Variants in CAMK1D observed in about 807,000 individuals in gnomAD.
CAMK1D encodes the protein calcium/calmodulin-dependent protein kinase type 1D.
A neutral mutation model predicts 47.7 loss-of-function variants in CAMK1D; 9 were observed. The ratio of observed to expected loss-of-function variants is 0.19; its 90% CI spans 0.11 to 0.33. The LOEUF (loss-of-function observed/expected upper bound fraction) is 0.33, where lower values mean the gene tolerates loss of function less well. Ranked by LOEUF, CAMK1D falls within the 10% of genes least tolerant of loss-of-function variation. The probability of loss-of-function intolerance (pLI) is 1.00; values close to 1 mark genes in which losing one functional copy is unlikely to be tolerated. For synonymous variants in CAMK1D, 184 were observed against 184.9 expected (o/e 0.99, Z 0.04); for missense variants, 291 against 488.7 (o/e 0.60, Z 3.81).
At chr10:12,719,379 G>C (rs1834281491) in intron 3 of CAMK1D, among the ~76,000 whole-genome samples, 1 of 151,692 alleles carries the variant, frequency 6.6e-6, no homozygotes, top group South Asian at 2.1e-4. Context: ...CTGCACTCCA[G>C]CCTGGGCAAC....
intron 3 of CAMK1D, among the ~76,000 whole-genome samples, chr10:12,730,548 A>G (rs1189024665): frequency 6.6e-6 from 1 of 152,168 alleles, no homozygotes; most frequent in Non-Finnish European, 1.5e-5. Context: ...TTGAACCTTC[A>G]TCCACGAGCC....
At chr10:12,367,216 AAAT>A (rs1370535473) in intron 1 of CAMK1D, among the ~76,000 whole-genome samples, 2 of 132,662 alleles carry the variant, frequency 1.5e-5, no homozygotes, top group Admixed American at 1.6e-4. Flanking sequence ...TCATGACATA[AAAT>A]AAACACTGTT....
intron 1 of CAMK1D, among the ~76,000 whole-genome samples, chr10:12,450,683 T>C (rs1319451158): frequency 6.6e-6 from 1 of 152,230 alleles, no homozygotes; most frequent in East Asian, 1.9e-4. Flanking sequence ...TTGTATTTTC[T>C]AGTCTCCATA....
intron 8 of CAMK1D, among the ~76,000 whole-genome samples, chr10:12,821,803 C>T (rs181698934): frequency 3.3e-5 from 5 of 152,166 alleles, no homozygotes; most frequent in African/African-American, 1.2e-4. Flanking sequence ...GGTGAAACCC[C>T]ATCTCTATTA....
intron 3 of CAMK1D, among the ~76,000 whole-genome samples, chr10:12,741,456 C>T (rs559861484): frequency 6.6e-6 from 1 of 152,340 alleles, no homozygotes; most frequent in East Asian, 1.9e-4. Context: ...GGGCCGCCCT[C>T]TTGGCTTGCC....
chr10:12,822,711 G>C (rs937914013), intron 8 of CAMK1D, among the ~76,000 whole-genome samples: 7 of 152,224 alleles, frequency 4.6e-5, no homozygotes, highest in Admixed American at 3.3e-4. Flanking sequence ...CTTTTCTGAG[G>C]ATGTAGCTTT....
intron 6 of CAMK1D, among the ~76,000 whole-genome samples, chr10:12,803,063 A>G (rs143831455): frequency 0.016 from 2,400 of 152,356 alleles, 21 homozygotes; most frequent in African/African-American, 0.03. Flanking sequence ...GTAAGCAAGT[A>G]GCCTAATCTT....
intron 1 of CAMK1D, among the ~76,000 whole-genome samples, chr10:12,546,886 C>A (rs1249963128): frequency 6.6e-6 from 1 of 151,780 alleles, no homozygotes; most frequent in African/African-American, 2.4e-5. Flanking sequence ...TGCAGCACAC[C>A]AACATGGCAC....
At chr10:12,631,342 A>G (rs905797119) in intron 2 of CAMK1D, among the ~76,000 whole-genome samples, 1 of 152,212 alleles carries the variant, frequency 6.6e-6, no homozygotes, top group East Asian at 1.9e-4. Flanking sequence ...TTGCTGCAGC[A>G]TGCCTGGACA....
At chr10:12,554,997 C>T (rs1319237214) in intron 2 of CAMK1D, among the ~76,000 whole-genome samples, 1 of 152,176 alleles carries the variant, frequency 6.6e-6, no homozygotes, top group Non-Finnish European at 1.5e-5. Flanking sequence ...CCTGATTTTG[C>T]ATGTTTGGAG....
At chr10:12,688,926 A>G (rs1262946037) in intron 3 of CAMK1D, among the ~76,000 whole-genome samples, 1 of 152,172 alleles carries the variant, frequency 6.6e-6, no homozygotes, top group Non-Finnish European at 1.5e-5. Flanking sequence ...CAGCAGATCC[A>G]CCTGCCTCGG....
At chr10:12,400,076 T>C (rs1302115954) in intron 1 of CAMK1D, among the ~76,000 whole-genome samples, 1 of 152,202 alleles carries the variant, frequency 6.6e-6, no homozygotes, top group Non-Finnish European at 1.5e-5. Context: ...ACATAACTAC[T>C]GCAGATGATG....
intron 6 of CAMK1D, among the ~76,000 whole-genome samples, chr10:12,812,896 T>C (rs1832662302): frequency 6.6e-6 from 1 of 151,934 alleles, no homozygotes; most frequent in Non-Finnish European, 1.5e-5. Flanking sequence ...CTGGAAAAAA[T>C]ATTAGGGGTT....
intron 5 of CAMK1D, among the ~76,000 whole-genome samples, chr10:12,773,579 T>G (rs1292173596): frequency 2.0e-5 from 3 of 152,194 alleles, no homozygotes; most frequent in African/African-American, 7.2e-5. Context: ...AAGGGCCAAG[T>G]GTACAATGTT....
intron 1 of CAMK1D, among the ~76,000 whole-genome samples, chr10:12,503,471 C>T (rs562896987): frequency 3.3e-5 from 5 of 152,092 alleles, no homozygotes; most frequent in South Asian, 2.1e-4. Context: ...GCAGGTGAGG[C>T]GAAGAGGCCA....
intron 2 of CAMK1D, among the ~76,000 whole-genome samples, chr10:12,595,342 G>GAAAA (rs535214333): frequency 0.06 from 1,403 of 23,540 alleles, 400 homozygotes; most frequent in Admixed American, 0.11. Flanking sequence ...AACTCCATCT[G>GAAAA]AAAAAAAAAA....
chr10:12,620,202 A>AAAAAAAAAAAAAAAAAT (rs1564449471), intron 2 of CAMK1D, among the ~76,000 whole-genome samples: 3 of 146,224 alleles, frequency 2.1e-5, no homozygotes, highest in Admixed American at 6.8e-5. Context: ...AAAAAAAAAA[A>AAAAAAAAAAAAAAAAAT]AAAAAAAAAA....
intron 3 of CAMK1D, among the ~76,000 whole-genome samples, chr10:12,704,279 T>G (rs752114885): frequency 1.3e-5 from 2 of 152,208 alleles, no homozygotes; most frequent in Admixed American, 6.5e-5. Flanking sequence ...GCATTTCATA[T>G]AAATGTAGCT....
chr10:12,715,353 A>G (rs1433181249), intron 3 of CAMK1D, among the ~76,000 whole-genome samples: 1 of 152,192 alleles, frequency 6.6e-6, no homozygotes, highest in Non-Finnish European at 1.5e-5. Context: ...ATGCATGACT[A>G]CTGCGATATC....
Sources: allele counts gnomAD v4.1 joint callset (sites outside exome capture counted in the v4.1 genomes callset), GRCh38; gene constraint gnomAD v4.1.1; transcripts MANE v1.5; gene names NCBI Gene and HGNC (gene_info 2026-07-23, HGNC 2026-07-21).